The following UGT1A8 variants were observed in gnomAD, a reference collection of about 807,000 sequenced individuals.
The protein encoded by UGT1A8 is UDP glucuronosyltransferase family 1 member A8.
Under a neutral mutation model 45.3 loss-of-function variants are expected in UGT1A8, and 39 were observed. The ratio of observed to expected loss-of-function variants is 0.86; its 90% CI spans 0.67 to 1.12. UGT1A8 has a LOEUF of 1.12. UGT1A8 is among the 50% of genes most tolerant of loss of function. The pLI is 0.00. For missense variants in UGT1A8, 719 were observed against 664.9 expected, an observed-to-expected ratio of 1.08 and a Z score of -0.90; for synonymous variants, 275 against 249.2, an observed-to-expected ratio of 1.10 and a Z score of -0.97.
intron 1 of UGT1A8, among the ~76,000 whole-genome samples, chr2:233,660,981 T>A (rs1002855561): frequency 1.3e-5 from 2 of 152,178 alleles, no homozygotes; most frequent in African/African-American, 4.8e-5. Context: ...TATTTAGCTT[T>A]ATGTTGTCAT....
At chr2:233,635,287 G>A (rs989502355) in intron 1 of UGT1A8, among the ~76,000 whole-genome samples, 4 of 150,576 alleles carry the variant, frequency 2.7e-5, no homozygotes, top group African/African-American at 9.8e-5. Context: ...TCTTGGAGTT[G>A]CTTTTCTCGA....
chr2:233,718,737 A>G lies in UGT1A8; in HGVS notation c.856-48297A>G, dbSNP rs545724404. On this transcript the variant is annotated intron_variant, in intron 1 of 4. Transcript: ENST00000373450. ...ACATGCTGATTTGCTAGGTGGCTCA[A>G]TGACAAGGTAATTAAGGCGAAGGAA... 56 of 1,611,866 alleles carry G rather than the reference A, an allele frequency of 3.5e-5. No homozygotes were observed. In the African/African-American group the frequency reaches 4.3e-4, roughly 12 times the overall value.
At chr2:233,630,276 T>G (rs2073163656) in intron 1 of UGT1A8, among the ~76,000 whole-genome samples, 1 of 152,104 alleles carries the variant, frequency 6.6e-6, no homozygotes, top group African/African-American at 2.4e-5. Context: ...TAAGCAAATG[T>G]CTAGTACCAG....
At chr2:233,649,066 A>G in intron 1 of UGT1A8, 1 of 904,378 alleles carries the variant, frequency 1.1e-6, no homozygotes, top group South Asian at 3.4e-5. Context: ...AGTATTCTGG[A>G]TTTGAATATT....
intron 1 of UGT1A8, among the ~76,000 whole-genome samples, chr2:233,735,726 A>G (rs1434369558): frequency 5.9e-5 from 9 of 152,086 alleles, no homozygotes; most frequent in Admixed American, 5.9e-4. Flanking sequence ...ATCTCTCAGC[A>G]TTTGCTTGTC....
chr2:233,713,226 A>T, intron 1 of UGT1A8: 1 of 1,614,204 alleles, frequency 6.2e-7, no homozygotes, highest in South Asian at 1.1e-5. Flanking sequence ...CACCCTGACA[A>T]CGTATGCCAT....
rs746650868 is a variant in UGT1A8 at position 233,672,389 on chromosome 2, A to C, written c.855+53827A>C. 2.2e-5 allele frequency: 35 copies of C among 1,613,982 alleles called. 1 individual carries two copies. Among genetic ancestry groups the C allele is most frequent in the Middle Eastern group, 1.6e-4 (1 of 6,076 alleles). On this transcript the variant is annotated intron_variant, in intron 1 of 4. Coordinates refer to ENST00000373450, the MANE Select transcript of UGT1A8 (RefSeq NM_019076.5). Reference sequence around the variant, plus strand: ...GCAGTGTTTCTCGATCCTTTTGATAACTGTGGCTTAATTGTTGCCAAATAT... The same window carrying C: ...GCAGTGTTTCTCGATCCTTTTGATACCTGTGGCTTAATTGTTGCCAAATAT...
Position 233,769,941 on chromosome 2 carries a change from T to G in UGT1A8, c.1295+1502T>G. 1 of 227,092 alleles carries G rather than the reference T, an allele frequency of 4.4e-6. No individual in the cohort carries two copies. The highest frequency in any genetic ancestry group is 9.8e-5 in the East Asian group (1 of 10,154). 14.1% of individuals were successfully genotyped at this position (227,092 alleles called of 1,614,324 possible). On this transcript the variant is annotated intron_variant, in intron 4 of 4. Transcript: ENST00000373450. This position sits in a 1 kb window ranked among gnomAD's most constrained non-coding sequence, Gnocchi z 4.4. ...TGGGTGGTGTGGTCCCATTCCTTCC[T>G]TCCAGCGGCTTCTTCTGGCCACCTC...
intron 1 of UGT1A8, among the ~76,000 whole-genome samples, chr2:233,620,169 G>C (rs575356964): frequency 1.3e-5 from 2 of 152,326 alleles, no homozygotes; most frequent in East Asian, 3.9e-4. Context: ...CATCTCACAG[G>C]AAAGTGAAAT....
intron 1 of UGT1A8, among the ~76,000 whole-genome samples, chr2:233,687,643 A>G (rs1430183342): frequency 6.6e-6 from 1 of 151,812 alleles, no homozygotes; most frequent in Non-Finnish European, 1.5e-5. Flanking sequence ...TGGCTCACAC[A>G]TGTAATCACA....
At chr2:233,686,386 C>G (rs976765081) in intron 1 of UGT1A8, among the ~76,000 whole-genome samples, 1 of 152,054 alleles carries the variant, frequency 6.6e-6, no homozygotes, top group Non-Finnish European at 1.5e-5. Flanking sequence ...AAAGACAACT[C>G]GTGTGGGCGC....
Position 233,693,709 on chromosome 2 carries a change from T to G in UGT1A8, c.856-73325T>G, listed in dbSNP as rs2075176128. ...CAAAGTATGAAGAACTCGCATCAGC[T>G]GTCCTCAAGAGAGATGTGGATATAA... On this transcript the variant is annotated intron_variant, in intron 1 of 4. Transcript: ENST00000373450. 3 of 1,614,230 alleles carry G rather than the reference T, an allele frequency of 1.9e-6. No homozygotes were observed. In the East Asian group the frequency reaches 6.7e-5, roughly 36 times the overall value.
intron 1 of UGT1A8, among the ~76,000 whole-genome samples, chr2:233,655,457 C>T (rs112857093): frequency 9.3e-4 from 141 of 152,322 alleles, no homozygotes; most frequent in African/African-American, 3.3e-3. Context: ...TCAGAAGGGG[C>T]ACGACTTAAG....
intron 1 of UGT1A8, among the ~76,000 whole-genome samples, chr2:233,680,116 C>T (rs2074475721): frequency 6.6e-6 from 1 of 152,092 alleles, no homozygotes; most frequent in Admixed American, 6.6e-5. Flanking sequence ...AGAGCTCAAT[C>T]TACGGTACCT....
intron 1 of UGT1A8, among the ~76,000 whole-genome samples, chr2:233,758,500 A>T (rs552604642): frequency 1.2e-4 from 19 of 152,348 alleles, no homozygotes; most frequent in African/African-American, 4.6e-4. Flanking sequence ...CAGAATTTCT[A>T]ATAAGGACAC....
Position 233,744,108 on chromosome 2 carries a change from T to A in UGT1A8, c.856-22926T>A, listed in dbSNP as rs537609237. 59 of 394,748 alleles carry A rather than the reference T, an allele frequency of 1.5e-4. No individual in the cohort carries two copies. The East Asian group carries it at 2.4e-3, about 16-fold the overall frequency. The allele number at this position is 394,748 out of a possible 1,614,324, so 24.5% of individuals were successfully genotyped here. On this transcript the variant is annotated intron_variant, in intron 1 of 4. Coordinates refer to ENST00000373450, the MANE Select transcript of UGT1A8 (RefSeq NM_019076.5). ...GATGCAGTGCTTCTGGGACTGGCCC[T>A]GCTCTCTGTGAGGCTCTGTGAGGCC...
chr2:233,771,184 C>G (rs1452671929), intron 4 of UGT1A8: 1 of 152,242 alleles, frequency 6.6e-6, no homozygotes, highest in Non-Finnish European at 1.5e-5. Flanking sequence ...TACAATTCAA[C>G]ATGAGATCTG....
At chr2:233,715,304 G>A (rs1362641009) in intron 1 of UGT1A8, among the ~76,000 whole-genome samples, 1 of 152,110 alleles carries the variant, frequency 6.6e-6, no homozygotes, top group Non-Finnish European at 1.5e-5. Flanking sequence ...CTCTTGAATA[G>A]GTTTTGCTTT....
chr2:233,760,910 A>G (rs1375729895), intron 1 of UGT1A8: 2 of 1,614,074 alleles, frequency 1.2e-6, no homozygotes, highest in Non-Finnish European at 1.7e-6. Context: ...ACCTTCCTGC[A>G]GCGGGTGAAG....
Sources: allele counts gnomAD v4.1 joint callset (sites outside exome capture counted in the v4.1 genomes callset), GRCh38; gene constraint gnomAD v4.1.1; non-coding constraint Gnocchi (gnomAD v3.1); transcripts MANE v1.5; gene names NCBI Gene and HGNC (gene_info 2026-07-23, HGNC 2026-07-21).